The following AUTS2 variants were observed in gnomAD, a reference collection of about 807,000 sequenced individuals.
The protein encoded by AUTS2 is autism susceptibility gene 2 protein.
AUTS2 carries 17 observed loss-of-function variants against 112.4 expected under a neutral mutation model. The ratio of observed to expected loss-of-function variants is 0.15; its 90% CI spans 0.10 to 0.23. AUTS2 has a LOEUF of 0.23. Among genes scored for constraint, AUTS2 ranks in the 10% least tolerant of loss-of-function variants. The probability of loss-of-function intolerance (pLI) is 1.00; values close to 1 mark genes in which losing one functional copy is unlikely to be tolerated. For missense variants in AUTS2, 1,510 were observed against 1,701.6 expected, an observed-to-expected ratio of 0.89 and a Z score of 1.98; for synonymous variants, 751 against 702.7, an observed-to-expected ratio of 1.07 and a Z score of -1.09.
intron 1 of AUTS2, among the ~76,000 whole-genome samples, chr7:69,814,374 T>A (rs1244169363): frequency 1.3e-5 from 2 of 152,210 alleles, no homozygotes; most frequent in Non-Finnish European, 2.9e-5. Flanking sequence ...ATATAGATTG[T>A]CAGCAAGAGA....
At chr7:70,728,480 G>A (rs994699516) in intron 6 of AUTS2, among the ~76,000 whole-genome samples, 4 of 151,968 alleles carry the variant, frequency 2.6e-5, no homozygotes, top group Non-Finnish European at 5.9e-5. Flanking sequence ...AGGCCGACAC[G>A]GGTGGGTCAC....
chr7:69,885,879 G>T (rs1239573130), intron 1 of AUTS2, among the ~76,000 whole-genome samples: 2 of 152,212 alleles, frequency 1.3e-5, no homozygotes, highest in African/African-American at 2.4e-5. Flanking sequence ...GAAATGGTCT[G>T]ACCTTTCAGT....
intron 5 of AUTS2, among the ~76,000 whole-genome samples, chr7:70,575,475 T>C (rs1802124674): frequency 6.6e-6 from 1 of 151,592 alleles, no homozygotes; most frequent in Admixed American, 6.6e-5. Context: ...ATGATTCCAC[T>C]TGTGGTTAGC....
chr7:70,658,288 C>G (rs1471877708), intron 5 of AUTS2, among the ~76,000 whole-genome samples: 5 of 152,196 alleles, frequency 3.3e-5, no homozygotes, highest in African/African-American at 1.2e-4. Flanking sequence ...GGGGAACTGT[C>G]TAGGGCACTA....
intron 5 of AUTS2, among the ~76,000 whole-genome samples, chr7:70,634,108 G>A (rs1278929270): frequency 6.6e-6 from 1 of 152,100 alleles, no homozygotes; most frequent in African/African-American, 2.4e-5. Context: ...CCAGCAAAAG[G>A]TCCCTGCCCT....
chr7:70,367,750 C>T (rs1284835597), intron 4 of AUTS2, among the ~76,000 whole-genome samples: 4 of 151,912 alleles, frequency 2.6e-5, no homozygotes, highest in Non-Finnish European at 5.9e-5. Flanking sequence ...TCAGAAAGTG[C>T]AAATAGCAAT....
At chr7:69,631,271 C>G (rs117386918) in intron 1 of AUTS2, among the ~76,000 whole-genome samples, 1 of 151,882 alleles carries the variant, frequency 6.6e-6, no homozygotes, top group South Asian at 2.1e-4. Flanking sequence ...CACAGCTGTT[C>G]TGGAAAAAGT....
At chr7:70,560,610 G>A (rs1237269543) in intron 5 of AUTS2, among the ~76,000 whole-genome samples, 2 of 152,148 alleles carry the variant, frequency 1.3e-5, no homozygotes, top group African/African-American at 2.4e-5. Context: ...TTACACTTAG[G>A]TGCCAACTAG....
intron 5 of AUTS2, among the ~76,000 whole-genome samples, chr7:70,451,923 C>T (rs1039950353): frequency 1.3e-5 from 2 of 152,116 alleles, no homozygotes; most frequent in Non-Finnish European, 2.9e-5. Context: ...GCCAGGTCGC[C>T]GCTCTGAGAG....
intron 4 of AUTS2, among the ~76,000 whole-genome samples, chr7:70,352,279 T>C (rs78973414): frequency 3.5e-4 from 53 of 152,342 alleles, no homozygotes; most frequent in South Asian, 2.1e-4. Context: ...CAGTTTTTGT[T>C]TGCTGTCTCT....
chr7:69,884,647 T>C (rs1181148003), intron 1 of AUTS2, among the ~76,000 whole-genome samples: 1 of 152,188 alleles, frequency 6.6e-6, no homozygotes, highest in Non-Finnish European at 1.5e-5. Context: ...TAAATCTATC[T>C]ATAGGAAGCT....
chr7:70,487,228 C>G (rs528183259), intron 5 of AUTS2, among the ~76,000 whole-genome samples: 1 of 151,518 alleles, frequency 6.6e-6, no homozygotes, highest in African/African-American at 2.4e-5. Flanking sequence ...TTTCCTCCCC[C>G]GCGCCCCCCT....
intron 1 of AUTS2, among the ~76,000 whole-genome samples, chr7:69,763,552 C>G (rs1423330180): frequency 2.0e-5 from 3 of 152,194 alleles, no homozygotes; most frequent in Admixed American, 6.5e-5. Flanking sequence ...TATCATCTTT[C>G]TCCATTAGAT....
At chr7:70,701,346 T>C (rs1043645867) in intron 6 of AUTS2, among the ~76,000 whole-genome samples, 1 of 152,252 alleles carries the variant, frequency 6.6e-6, no homozygotes, top group Non-Finnish European at 1.5e-5. Context: ...ATCAGTCAGC[T>C]TGTGAGCTTG....
intron 5 of AUTS2, among the ~76,000 whole-genome samples, chr7:70,674,171 G>A (rs568054525): frequency 5.3e-5 from 8 of 152,324 alleles, no homozygotes; most frequent in Non-Finnish European, 7.3e-5. Context: ...CTAAAGGGGC[G>A]GTGGGGGAGG....
At chr7:70,612,232 T>A (rs1234409157) in intron 5 of AUTS2, among the ~76,000 whole-genome samples, 1 of 152,208 alleles carries the variant, frequency 6.6e-6, no homozygotes, top group Non-Finnish European at 1.5e-5. Context: ...CATCTCAGCA[T>A]CAGAATTGAC....
intron 6 of AUTS2, among the ~76,000 whole-genome samples, chr7:70,709,614 G>A (rs1809937618): frequency 6.6e-6 from 1 of 152,208 alleles, no homozygotes; most frequent in South Asian, 2.1e-4. Flanking sequence ...GGGAGACTGA[G>A]GCACGAGAAT....
At chr7:70,140,573 G>GGA (rs1806809668) in intron 4 of AUTS2, among the ~76,000 whole-genome samples, 1 of 152,094 alleles carries the variant, frequency 6.6e-6, no homozygotes, top group Non-Finnish European at 1.5e-5. Context: ...TGTGATGCTA[G>GGA]GAAAGGATTT....
intron 1 of AUTS2, among the ~76,000 whole-genome samples, chr7:69,728,600 C>T (rs569332278): frequency 4.2e-4 from 64 of 150,786 alleles, no homozygotes; most frequent in Admixed American, 3.0e-3. Context: ...TAAAGAAAAA[C>T]GGGACAAAAA....
Sources: gnomAD v4.1 joint callset for allele counts (sites outside exome capture counted in the v4.1 genomes callset) on GRCh38, gnomAD v4.1.1 for gene constraint, MANE v1.5 for transcripts, NCBI Gene and HGNC (gene_info 2026-07-23, HGNC 2026-07-21) for gene names.